The following LPAR1 variants were observed in gnomAD, a reference collection of about 807,000 sequenced individuals.
The protein encoded by LPAR1 is LPA receptor 1.
Under a neutral mutation model 23.8 loss-of-function variants are expected in LPAR1, and 5 were observed. The observed-to-expected ratio is 0.21, with a 90% CI of 0.11 to 0.44. The LOEUF is 0.44. LPAR1 is among the 20% of genes least tolerant of loss of function. The probability of loss-of-function intolerance (pLI) is 0.99; values close to 1 mark genes in which losing one functional copy is unlikely to be tolerated. For missense variants in LPAR1, 311 were observed against 482.8 expected (o/e 0.64, Z 3.33); for synonymous variants, 160 against 164.7 (o/e 0.97, Z 0.22).
At chr9:111,014,405 G>A (rs2097396454) in intron 2 of LPAR1, among the ~76,000 whole-genome samples, 1 of 152,082 alleles carries the variant, frequency 6.6e-6, no homozygotes, top group African/African-American at 2.4e-5. Context: ...TCATGGAGAA[G>A]TTGATGAACA....
chr9:110,950,496 A>T (rs962255246), intron 4 of LPAR1, among the ~76,000 whole-genome samples: 17 of 151,774 alleles, frequency 1.1e-4, no homozygotes, highest in African/African-American at 2.2e-4. Context: ...GGAAATTTTT[A>T]AAAAACCTTA....
chr9:110,974,759 G>A (rs1322444507), intron 2 of LPAR1, among the ~76,000 whole-genome samples: 1 of 152,158 alleles, frequency 6.6e-6, no homozygotes, highest in Non-Finnish European at 1.5e-5. Context: ...ATCACACTGT[G>A]AAAGTAAATA....
At chr9:110,971,744 A>G (rs1158895493) in intron 4 of LPAR1, among the ~76,000 whole-genome samples, 1 of 72,518 alleles carries the variant, frequency 1.4e-5, no homozygotes, top group Non-Finnish European at 3.8e-5. Context: ...CGGCCCACAA[A>G]AAAGCCAAGA....
At chr9:110,930,683 A>C (rs533556215) in intron 5 of LPAR1, among the ~76,000 whole-genome samples, 195 of 152,228 alleles carry the variant, frequency 1.3e-3, no homozygotes, top group Non-Finnish European at 2.5e-3. Context: ...TGGGAGGCTG[A>C]GGTGGGTGGA....
At chr9:110,924,473 TG>T (rs1381264721) in intron 5 of LPAR1, among the ~76,000 whole-genome samples, 2 of 151,332 alleles carry the variant, frequency 1.3e-5, no homozygotes, top group African/African-American at 4.8e-5. Context: ...TGGTTAATTA[TG>T]GAAGGTAAAA....
intron 5 of LPAR1, among the ~76,000 whole-genome samples, chr9:110,920,020 AG>A (rs1436284124): frequency 6.6e-6 from 1 of 152,206 alleles, no homozygotes; most frequent in African/African-American, 2.4e-5. Context: ...TAGGCCACAA[AG>A]GAGGAGGCAA....
At chr9:110,934,328 G>C (rs1224654985) in intron 5 of LPAR1, 2 of 152,188 alleles carry the variant, frequency 1.3e-5, no homozygotes, top group African/African-American at 2.4e-5. Context: ...TCATCTCTTT[G>C]AGAGGATCCT....
Position 110,875,505 on chromosome 9 carries a change from G to A in LPAR1, c.1011C>T (p.Pro337=). 1.9e-6 allele frequency: 3 copies of A among 1,614,156 alleles called. No homozygotes were observed. Among genetic ancestry groups the A allele is most frequent in the Non-Finnish European group, 2.5e-6 (3 of 1,180,004 alleles). ...AAGCCGAGCGGTCTGAGCCTTCTGT[G>A]GGGCCGGTGGGGTTCTCACTGCGCT... ...CCQRSENPTG[P]TEGSDRSASS... The change falls in exon 6 of 6, where the codon CCC becomes CCT. Residue 337 remains proline (P), a synonymous_variant. Transcript: ENST00000683809.
At chr9:110,956,339 T>G (rs1265118827) in intron 4 of LPAR1, among the ~76,000 whole-genome samples, 1 of 152,112 alleles carries the variant, frequency 6.6e-6, no homozygotes, top group Non-Finnish European at 1.5e-5. Flanking sequence ...TATACCTATG[T>G]AACAAAACTG....
intron 2 of LPAR1, among the ~76,000 whole-genome samples, chr9:110,987,007 G>GT (rs1489147247): frequency 5.3e-5 from 8 of 152,038 alleles, no homozygotes; most frequent in African/African-American, 1.9e-4. Flanking sequence ...TGAAACTGTT[G>GT]TAACCTTTCT....
intron 5 of LPAR1, among the ~76,000 whole-genome samples, chr9:110,876,460 T>A (rs1215027817): frequency 6.6e-6 from 1 of 152,160 alleles, no homozygotes; most frequent in Non-Finnish European, 1.5e-5. Flanking sequence ...CAGTAATAAT[T>A]TATTGAATTT....
Position 110,942,170 on chromosome 9 carries a change from TA to T in LPAR1, c.46-3del, listed in dbSNP as rs755872645. 1 of 1,590,182 alleles carries T rather than the reference TA, an allele frequency of 6.3e-7. No homozygotes were observed. The highest frequency in any genetic ancestry group is 8.5e-7 in the Non-Finnish European group (1 of 1,171,606). On this transcript the variant is annotated splice_region_variant and splice_polypyrimidine_tract_variant and intron_variant, in intron 4 of 5. Coordinates refer to ENST00000683809, the MANE Select transcript of LPAR1 (RefSeq NM_001351411.2). ...CTGTGGTTCATTCATGGCTGTGAAC[TA>T]AAAGAAAAAGGAGAAAAGATGATGA... is the stretch of plus-strand genomic sequence containing the variant.
intron 5 of LPAR1, among the ~76,000 whole-genome samples, chr9:110,910,525 G>A (rs10759474): frequency 0.16 from 24,837 of 152,148 alleles, 2,589 homozygotes; most frequent in Admixed American, 0.24. Flanking sequence ...GCAGCCCATG[G>A]ATCAAGGAGT....
chr9:110,996,313 C>T (rs2097002938), intron 2 of LPAR1, among the ~76,000 whole-genome samples: 1 of 152,064 alleles, frequency 6.6e-6, no homozygotes, highest in Non-Finnish European at 1.5e-5. Context: ...CTCCAACACT[C>T]TCCGAGGCCA....
Position 110,958,058 on chromosome 9 carries a change from A to G in LPAR1, c.45+14015T>C, listed in dbSNP as rs78485856. Among the ~76,000 whole-genome samples, 1,342 of 152,320 alleles carry G rather than the reference A, an allele frequency of 8.8e-3. 23 individuals carry two copies. The highest frequency in any genetic ancestry group is 0.031 in the African/African-American group (1,270 of 41,564). On this transcript the variant is annotated intron_variant, in intron 4 of 5. Coordinates refer to ENST00000683809, the MANE Select transcript of LPAR1 (RefSeq NM_001351411.2). ...AAAGACCTCTTCAAGGAAAACTACA[A>G]AACACTGATGAAAGAAACTGAAGAG...
chr9:110,994,781 T>C (rs888190221), intron 2 of LPAR1, among the ~76,000 whole-genome samples: 6 of 152,170 alleles, frequency 3.9e-5, no homozygotes, highest in Non-Finnish European at 7.4e-5. Flanking sequence ...TGGCTAAAAG[T>C]GACTGTTACA....
At chr9:110,978,109 T>C (rs2096597941) in intron 2 of LPAR1, among the ~76,000 whole-genome samples, 1 of 152,092 alleles carries the variant, frequency 6.6e-6, no homozygotes, top group African/African-American at 2.4e-5. Flanking sequence ...AAAACTCTAT[T>C]AACAGAAAAT....
At chr9:110,923,643 G>C (rs1008573339) in intron 5 of LPAR1, among the ~76,000 whole-genome samples, 1 of 152,202 alleles carries the variant, frequency 6.6e-6, no homozygotes, top group Non-Finnish European at 1.5e-5. Flanking sequence ...CGCTAAGTCA[G>C]GAAACATTTG....
chr9:110,886,364 C>CAAA (rs3030132), intron 5 of LPAR1, among the ~76,000 whole-genome samples: 160 of 112,752 alleles, frequency 1.4e-3, no homozygotes, highest in Middle Eastern at 9.5e-3. Context: ...AACTCCATCT[C>CAAA]AAAAAAAAAA....
Sources: gnomAD v4.1 joint callset for allele counts (sites outside exome capture counted in the v4.1 genomes callset) on GRCh38, gnomAD v4.1.1 for gene constraint, MANE v1.5 for transcripts, NCBI Gene and HGNC (gene_info 2026-07-23, HGNC 2026-07-21) for gene names.